Variants in UBE3C observed in about 807,000 individuals in gnomAD.
UBE3C encodes the protein ubiquitin-protein ligase E3C.
Under a neutral mutation model 129.4 loss-of-function variants are expected in UBE3C, and 42 were observed. The ratio of observed to expected loss-of-function variants is 0.32; its 90% CI spans 0.25 to 0.42. The LOEUF (loss-of-function observed/expected upper bound fraction) is 0.42, where lower values mean the gene tolerates loss of function less well. Ranked by LOEUF, UBE3C falls within the 10% of genes least tolerant of loss-of-function variation. The pLI, the probability that UBE3C is intolerant of heterozygous loss-of-function variation, is 1.00. For synonymous variants in UBE3C, 510 were observed against 492.4 expected, an observed-to-expected ratio of 1.04 and a Z score of -0.47; for missense variants, 1,049 against 1,319.1, an observed-to-expected ratio of 0.80 and a Z score of 3.17.
intron 19 of UBE3C, among the ~76,000 whole-genome samples, chr7:157,250,932 C>T (rs1016936187): frequency 6.6e-6 from 1 of 152,102 alleles, no homozygotes; most frequent in Non-Finnish European, 1.5e-5. Flanking sequence ...AGTGAAACGT[C>T]GCATATGCAA....
intron 16 of UBE3C, 36 bp downstream of exon 16, chr7:157,223,387 C>G: frequency 6.5e-7 from 1 of 1,550,356 alleles, no homozygotes; most frequent in Non-Finnish European, 8.8e-7. Flanking sequence ...CACTACGTAT[C>G]ATATTAGTGT....
At chr7:157,229,026 T>G (rs1009177895) in intron 17 of UBE3C, among the ~76,000 whole-genome samples, 2 of 152,150 alleles carry the variant, frequency 1.3e-5, no homozygotes, top group African/African-American at 4.8e-5. Flanking sequence ...GCAGATATGT[T>G]TGGGTGACTA....
chr7:157,190,407 G>A (rs1384077251), intron 10 of UBE3C, among the ~76,000 whole-genome samples: 1 of 152,088 alleles, frequency 6.6e-6, no homozygotes. Flanking sequence ...GTCCTGCATG[G>A]TAGCCACCAG....
chr7:157,180,889 A>T (rs1444742605), intron 6 of UBE3C, among the ~76,000 whole-genome samples: 2 of 152,202 alleles, frequency 1.3e-5, no homozygotes, highest in African/African-American at 4.8e-5. Flanking sequence ...GAAAAGGCTG[A>T]TTGTAGGGCG....
intron 1 of UBE3C, among the ~76,000 whole-genome samples, chr7:157,145,646 C>G (rs1807584461): frequency 6.6e-6 from 1 of 152,220 alleles, no homozygotes; most frequent in Non-Finnish European, 1.5e-5. Flanking sequence ...TAGTTGGAAT[C>G]ATATACTATG....
At chr7:157,215,055 C>T (rs1309185221) in intron 13 of UBE3C, among the ~76,000 whole-genome samples, 2 of 152,116 alleles carry the variant, frequency 1.3e-5, no homozygotes, top group African/African-American at 2.4e-5. Context: ...ATTTCCATAG[C>T]GTTGTGATAG....
intron 10 of UBE3C, among the ~76,000 whole-genome samples, chr7:157,199,750 C>T (rs1237209482): frequency 7.2e-5 from 11 of 152,100 alleles, no homozygotes; most frequent in African/African-American, 2.4e-4. Flanking sequence ...GGATTACAGG[C>T]GTGATCCACC....
chr7:157,240,335 G>A (rs189684628), intron 18 of UBE3C, among the ~76,000 whole-genome samples: 14 of 152,336 alleles, frequency 9.2e-5, no homozygotes, highest in Non-Finnish European at 1.8e-4. Flanking sequence ...GATTATGGGT[G>A]TGAGCCATAG....
At chr7:157,216,247 G>A (rs1307459032) in intron 13 of UBE3C, among the ~76,000 whole-genome samples, 4 of 151,930 alleles carry the variant, frequency 2.6e-5, no homozygotes, top group African/African-American at 9.7e-5. Flanking sequence ...TTATTTCTCA[G>A]AAAACTCAGA....
In UBE3C at chr7:157,139,311, G is replaced by A. The variant is rs1807355871; in HGVS notation, c.39G>A (p.Lys13=). 6.3e-7 allele frequency: 1 copy of A among 1,584,246 alleles called. No individual in the cohort carries two copies. The highest frequency in any genetic ancestry group is 8.5e-7 in the Non-Finnish European group (1 of 1,172,664). Residue 13 remains lysine (K), a synonymous_variant, in exon 1 of 23, where the codon AAG becomes AAA. Transcript: ENST00000348165. The stretch of plus-strand genomic sequence containing the variant: ...AAGGCGACTTCAAGACGCGGCCCAA[G>A]GTGTCCCTTGGCGGCGCGAGCAGGA... ...SFEGDFKTRP[K]VSLGGASRKE... is the part of the protein sequence containing the mutation.
At chr7:157,247,910 T>G (rs754450729) in intron 18 of UBE3C, among the ~76,000 whole-genome samples, 45 of 151,674 alleles carry the variant, frequency 3.0e-4, no homozygotes, top group Non-Finnish European at 5.6e-4. Context: ...GGAAATAGGG[T>G]CCAATAGCTG....
intron 22 of UBE3C, among the ~76,000 whole-genome samples, chr7:157,259,067 T>TA (rs1173457078): frequency 6.6e-6 from 1 of 152,236 alleles, no homozygotes; most frequent in East Asian, 1.9e-4. Flanking sequence ...AACTCTGACA[T>TA]ACGGCACTTA....
chr7:157,187,045 C>A, intron 10 of UBE3C, 24 bp downstream of exon 10: 1 of 1,561,102 alleles, frequency 6.4e-7, no homozygotes, highest in Non-Finnish European at 8.7e-7. Flanking sequence ...GGCGTCTGTG[C>A]CAGGGGGTGC....
chr7:157,259,117 C>G (rs982963512), intron 22 of UBE3C, among the ~76,000 whole-genome samples: 3 of 152,208 alleles, frequency 2.0e-5, no homozygotes, highest in Non-Finnish European at 4.4e-5. Flanking sequence ...GGTCCTGGGA[C>G]CAGCAGCTGC....
chr7:157,256,915 A>C lies in UBE3C; in HGVS notation c.2952A>C (p.Gly984=). The change falls in exon 22 of 23, where the codon GGA becomes GGC. Residue 984 remains glycine, a splice_region_variant and synonymous_variant. Transcript: ENST00000348165. ...EDLKSFTNYS[G]GYSADHPVIK... is the part of the protein sequence containing the mutation. The stretch of plus-strand genomic sequence containing the variant: ...AAGCATGTGTTCATTTTGCCATAGG[A>C]GGCTATTCTGCAGACCATCCTGTTA... 6.2e-7 allele frequency: 1 copy of C among 1,613,942 alleles called. No homozygotes were observed.
rs1466162474 is a variant in UBE3C, at chr7:157,220,674, G to T, written c.1915-15G>T. The T allele has an allele frequency of 6.2e-7, 1 of 1,613,876 alleles. No homozygotes were observed. The highest frequency in any genetic ancestry group is 1.7e-5 in the Admixed American group (1 of 59,996). ...AGAGCACAGGGGAGTTCTGAACCAGGATTGCCCCCGACAGGTCACTCAGCT... is the reference window on the plus strand; with the variant it reads ...AGAGCACAGGGGAGTTCTGAACCAGTATTGCCCCCGACAGGTCACTCAGCT... On this transcript the variant is annotated splice_polypyrimidine_tract_variant and intron_variant, in intron 14 of 22. Coordinates refer to ENST00000348165, the MANE Select transcript of UBE3C (RefSeq NM_014671.3).
chr7:157,176,907 T>C (rs1808532955), intron 5 of UBE3C, among the ~76,000 whole-genome samples: 1 of 152,210 alleles, frequency 6.6e-6, no homozygotes, highest in African/African-American at 2.4e-5. Flanking sequence ...TTCAAGTGTA[T>C]GTTAGTAAGT....
chr7:157,176,580 C>T (rs1163573449), intron 5 of UBE3C, among the ~76,000 whole-genome samples: 1 of 152,218 alleles, frequency 6.6e-6, no homozygotes, highest in African/African-American at 2.4e-5. Flanking sequence ...CAGCCAAACC[C>T]ATGTTTCTTT....
intron 10 of UBE3C, among the ~76,000 whole-genome samples, chr7:157,201,185 G>A (rs539042798): frequency 9.2e-5 from 14 of 151,982 alleles, no homozygotes; most frequent in Middle Eastern, 3.4e-3. Flanking sequence ...TTAGCCAGGC[G>A]TGGTGGCGGG....
Sources: gnomAD v4.1 joint callset for allele counts (sites outside exome capture counted in the v4.1 genomes callset) on GRCh38, gnomAD v4.1.1 for gene constraint, MANE v1.5 for transcripts, NCBI Gene and HGNC (gene_info 2026-07-23, HGNC 2026-07-21) for gene names.